The following SUPT6H variants were observed in gnomAD, a reference collection of about 807,000 sequenced individuals.
SUPT6H encodes the protein transcription elongation factor SPT6.
A neutral mutation model predicts 222.3 loss-of-function variants in SUPT6H; 11 were observed. That is an observed-to-expected ratio of 0.05 (90% CI 0.03 to 0.08). SUPT6H has a LOEUF of 0.08. Among genes scored for constraint, SUPT6H ranks in the 10% least tolerant of loss-of-function variants. SUPT6H has a pLI of 1.00. For synonymous variants in SUPT6H, 762 were observed against 801.2 expected (o/e 0.95, Z 0.83); for missense variants, 1,422 against 2,216.0 (o/e 0.64, Z 7.19).
At chr17:28,693,031 T>A (rs543147171) in intron 27 of SUPT6H, among the ~76,000 whole-genome samples, 11 of 145,268 alleles carry the variant, frequency 7.6e-5, no homozygotes, top group Non-Finnish European at 1.2e-4. Context: ...TTACCCAGAC[T>A]TGGGGGCGTG....
intron 9 of SUPT6H, 102 bp downstream of exon 9, chr17:28,678,294 C>A: frequency 9.3e-7 from 1 of 1,071,466 alleles, no homozygotes; most frequent in East Asian, 2.4e-5. Context: ...TCCCGTATCC[C>A]CTATCCATGA....
At chr17:28,685,629 G>A (rs1328322772) in intron 19 of SUPT6H, among the ~76,000 whole-genome samples, 4 of 151,932 alleles carry the variant, frequency 2.6e-5, no homozygotes, top group African/African-American at 9.7e-5. Context: ...GACCAGAGGC[G>A]TGCACCACCA....
At chr17:28,678,334 C>T in intron 9 of SUPT6H, 142 bp downstream of exon 9, 1 of 866,888 alleles carries the variant, frequency 1.2e-6, no homozygotes, top group South Asian at 1.5e-5. Flanking sequence ...AGCAGAGACC[C>T]TAGTGATCGT....
intron 25 of SUPT6H, among the ~76,000 whole-genome samples, chr17:28,689,847 A>G (rs2031557036): frequency 6.6e-6 from 1 of 152,102 alleles, no homozygotes; most frequent in Non-Finnish European, 1.5e-5. Context: ...CCTCCTTTCT[A>G]ACAGCACAGC....
chr17:28,670,323 G>A (rs1374020844), intron 1 of SUPT6H: 1 of 152,144 alleles, frequency 6.6e-6, no homozygotes, highest in Non-Finnish European at 1.5e-5. Context: ...TGTTCTCCTT[G>A]ATAGGGACAT....
rs1341699936 is a variant in SUPT6H, at chr17:28,681,286, G to A, written c.1380G>A (p.Leu460=). The A allele has an allele frequency of 6.2e-6, 10 of 1,613,996 alleles. No homozygotes were observed. The highest frequency in any genetic ancestry group is 8.5e-6 in the Non-Finnish European group (10 of 1,179,990). The part of the protein sequence containing the change: ...RLKDVQSMDE[L]KDVYNHFLLY... ...AGGATGTCCAATCAATGGATGAGCT[G>A]AAAGATGTCTACAACCATTTTCTTC... is the stretch of plus-strand genomic sequence containing the variant. The change falls in exon 12 of 37, where the codon CTG becomes CTA. Residue 460 remains leucine, a synonymous_variant. Coordinates refer to ENST00000314616, the MANE Select transcript of SUPT6H (RefSeq NM_003170.5).
intron 27 of SUPT6H, among the ~76,000 whole-genome samples, chr17:28,692,077 A>T (rs1305264708): frequency 6.6e-6 from 1 of 151,596 alleles, no homozygotes; most frequent in Non-Finnish European, 1.5e-5. Context: ...TAATCCCAGC[A>T]CTTTGGGAGG....
intron 5 of SUPT6H, 21 bp from the exon 6 acceptor site, chr17:28,675,380 A>G (rs779178449): frequency 5.6e-6 from 9 of 1,613,630 alleles, no homozygotes; most frequent in Admixed American, 1.7e-5. Context: ...CTGAGCCCCA[A>G]CCCATCCTTT....
intron 1 of SUPT6H, chr17:28,672,769 T>G (rs757465145): frequency 6.6e-6 from 1 of 151,910 alleles, no homozygotes; most frequent in Non-Finnish European, 1.5e-5. Flanking sequence ...TGGAATGCAG[T>G]GGCGCAATCT....
chr17:28,700,664 G>C (rs1351110360), intron 35 of SUPT6H, 152 bp downstream of exon 35: 17 of 1,136,666 alleles, frequency 1.5e-5, no homozygotes, highest in Non-Finnish European at 1.3e-5. Context: ...AGGCCCATTT[G>C]AAGGGGAAGA....
At chr17:28,696,269 C>G (rs1369011570) in intron 29 of SUPT6H, among the ~76,000 whole-genome samples, 2 of 135,766 alleles carry the variant, frequency 1.5e-5, no homozygotes, top group African/African-American at 5.6e-5. Context: ...TACAGTACAA[C>G]GTGGGTGACA....
intron 11 of SUPT6H, 81 bp downstream of exon 11, chr17:28,679,044 G>A: frequency 6.4e-7 from 1 of 1,573,654 alleles, no homozygotes; most frequent in South Asian, 1.1e-5. Context: ...TTAAACCTTG[G>A]AGAATGTGTA....
chr17:28,679,707 TG>T lies in SUPT6H; in HGVS notation c.1349+748del, dbSNP rs556347816. 6.7e-3 allele frequency among the ~76,000 whole-genome samples: 1,013 copies of T among 150,988 alleles called. 11 individuals carry two copies. The highest frequency in any genetic ancestry group is 0.023 in the African/African-American group (961 of 41,306). On this transcript the variant is annotated intron_variant, in intron 11 of 36. Transcript: ENST00000314616. ...TCCTGTCTCATAAGAAAAAGGGGGCTGGGGCCTGGCACGGTGGCTAACGCTT... is the reference window on the plus strand; with the variant it reads ...TCCTGTCTCATAAGAAAAAGGGGGCTGGGCCTGGCACGGTGGCTAACGCTT...
At chr17:28,682,116 T>C (rs1203780942) in intron 13 of SUPT6H, 136 bp downstream of exon 13, 7 of 645,570 alleles carry the variant, frequency 1.1e-5, no homozygotes, top group Non-Finnish European at 1.8e-5. Flanking sequence ...GCCTATTAGC[T>C]GGTCTTTAAA....
chr17:28,668,049 T>A (rs530166975), intron 1 of SUPT6H, among the ~76,000 whole-genome samples: 1 of 152,316 alleles, frequency 6.6e-6, no homozygotes, highest in East Asian at 1.9e-4. Flanking sequence ...GGGCCTCCCT[T>A]GTGGCAATCT....
At position 28,681,874 on chromosome 17, in the gene SUPT6H, C is replaced by G; in HGVS notation, c.1499-8C>G. The G allele has an allele frequency of 6.2e-7, 1 of 1,603,744 alleles. No individual in the cohort carries two copies. The highest frequency in any genetic ancestry group is 1.1e-5 in the South Asian group (1 of 88,166). Reference sequence around the variant, plus strand: ...AGAACCCTAAATCTCCCCATGTTTTCTTCCCAGGTGAAGGTGACGAGGCAG... The same window carrying G: ...AGAACCCTAAATCTCCCCATGTTTTGTTCCCAGGTGAAGGTGACGAGGCAG... On this transcript the variant is annotated splice_region_variant and splice_polypyrimidine_tract_variant and intron_variant, in intron 12 of 36. Coordinates refer to ENST00000314616, the MANE Select transcript of SUPT6H (RefSeq NM_003170.5).
At chr17:28,687,506 T>C (rs777434942) in intron 23 of SUPT6H, 35 bp downstream of exon 23, 1 of 1,604,304 alleles carries the variant, frequency 6.2e-7, no homozygotes, top group East Asian at 2.2e-5. Flanking sequence ...TTTTAAAACT[T>C]GCCATTTCAT....
chr17:28,681,035 C>T (rs2031075143), intron 11 of SUPT6H: 1 of 495,544 alleles, frequency 2.0e-6, no homozygotes, highest in Non-Finnish European at 3.6e-6. Context: ...GCGGCAGCCT[C>T]AACCGCCCGG....
chr17:28,681,730 AT>A, intron 12 of SUPT6H, 151 bp from the exon 13 acceptor site: 5 of 674,558 alleles, frequency 7.4e-6, no homozygotes, highest in South Asian at 2.2e-5. Flanking sequence ...AAAAAAAAAA[AT>A]CAAGAAAGAA....
Sources: gnomAD v4.1 joint callset for allele counts (sites outside exome capture counted in the v4.1 genomes callset) on GRCh38, gnomAD v4.1.1 for gene constraint, MANE v1.5 for transcripts, NCBI Gene and HGNC (gene_info 2026-07-23, HGNC 2026-07-21) for gene names.